NAV2: variants seen among roughly 807,000 people sequenced by gnomAD.
NAV2 encodes helicase, APC down-regulated 1.
Under a neutral mutation model 223.2 loss-of-function variants are expected in NAV2, and 54 were observed. That is an observed-to-expected ratio of 0.24 (90% CI 0.19 to 0.30). NAV2 has a LOEUF of 0.30. Among genes scored for constraint, NAV2 ranks in the 10% least tolerant of loss-of-function variants. The pLI, the probability that NAV2 is intolerant of heterozygous loss-of-function variation, is 1.00. For synonymous variants in NAV2, 1,279 were observed against 1,239.3 expected, an observed-to-expected ratio of 1.03 and a Z score of -0.67; for missense variants, 2,806 against 3,147.5, an observed-to-expected ratio of 0.89 and a Z score of 2.60.
Position 19,879,999 on chromosome 11 carries a change from C to G in NAV2, c.642C>G (p.Ala214=). ...SPLPPAVSQV[A]GAPSQCQAGT... ...TGCCGCCCGCCGTATCCCAGGTGGCCGGGGCCCCCTCCCAGTGCCAGGCTG... is the reference window on the plus strand; with the variant it reads ...TGCCGCCCGCCGTATCCCAGGTGGCGGGGGCCCCCTCCCAGTGCCAGGCTG... Residue 214 remains alanine (A), a synonymous_variant, in exon 5 of 38, where the codon GCC becomes GCG. Transcript: ENST00000349880. 6.2e-7 allele frequency: 1 copy of G among 1,613,788 alleles called. No homozygotes were observed. The highest frequency in any genetic ancestry group is 8.5e-7 in the Non-Finnish European group (1 of 1,179,876).
At chr11:19,502,989 C>T (rs908410434) in intron 1 of NAV2, 1 of 152,218 alleles carries the variant, frequency 6.6e-6, no homozygotes, top group African/African-American at 2.4e-5. Context: ...GACTTCGCCT[C>T]TGGATTGGAA....
chr11:19,481,461 T>C (rs2042278146), intron 1 of NAV2, among the ~76,000 whole-genome samples: 1 of 152,194 alleles, frequency 6.6e-6, no homozygotes, highest in Non-Finnish European at 1.5e-5. Flanking sequence ...AAGCAGTGGT[T>C]AAGAGATGAC....
chr11:19,832,620 T>A lies in NAV2; in HGVS notation c.385+19T>A. 1 of 1,596,138 alleles carries A rather than the reference T, an allele frequency of 6.3e-7. No homozygotes were observed. On this transcript the variant is annotated intron_variant, in intron 2 of 37. Transcript: ENST00000349880. ...GTTGTGGGTAAGAGCAGATTTTACC[T>A]TGGGGGTAATGAGTTACAGTGGAGC...
At chr11:20,000,855 C>T (rs960198664) in intron 11 of NAV2, among the ~76,000 whole-genome samples, 24 of 152,194 alleles carry the variant, frequency 1.6e-4, no homozygotes, top group Admixed American at 8.5e-4. Context: ...TTGTGTGCTG[C>T]GGTTCCTGGC....
chr11:19,600,018 A>G (rs979716400), intron 1 of NAV2, among the ~76,000 whole-genome samples: 1 of 152,186 alleles, frequency 6.6e-6, no homozygotes, highest in African/African-American at 2.4e-5. Context: ...TTGGGAAGTG[A>G]TTCCAGGAAG....
At chr11:20,039,055 T>A (rs938325177) in intron 12 of NAV2, among the ~76,000 whole-genome samples, 2 of 152,166 alleles carry the variant, frequency 1.3e-5, no homozygotes, top group Admixed American at 1.3e-4. Context: ...CTGTGCCCAC[T>A]GTTTCCTCAG....
At chr11:19,453,762 T>C (rs1336944217) in intron 1 of NAV2, among the ~76,000 whole-genome samples, 2 of 152,208 alleles carry the variant, frequency 1.3e-5, no homozygotes, top group Non-Finnish European at 2.9e-5. Flanking sequence ...AACCCTTCGC[T>C]GATAAATCCT....
intron 1 of NAV2, among the ~76,000 whole-genome samples, chr11:19,637,690 TCACA>T (rs1282495321): frequency 1.3e-5 from 2 of 152,198 alleles, no homozygotes; most frequent in Non-Finnish European, 2.9e-5. Flanking sequence ...GTGGAGGATG[TCACA>T]CACTTAAACG....
chr11:19,695,402 G>T (rs1349427097), intron 1 of NAV2, among the ~76,000 whole-genome samples: 1 of 115,832 alleles, frequency 8.6e-6, no homozygotes, highest in African/African-American at 2.5e-5. Context: ...AGGAATATTT[G>T]CTCCCAGCCT....
Position 20,045,283 on chromosome 11 carries a change from C to A in NAV2, c.3515C>A (p.Ala1172Asp). The A allele has an allele frequency of 3.1e-6, 5 of 1,614,204 alleles. No individual in the cohort carries two copies. The highest frequency in any genetic ancestry group is 4.2e-6 in the Non-Finnish European group (5 of 1,180,030). ...GGTCGGAAGTCAAGTATGGATGGGG[C>A]TCAGAATCAGGATGACGGGTATCTA... ...SAGRKSSMDG[A>D]QNQDDGYLAL... is the part of the protein sequence containing the mutation. Residue 1172 changes from alanine (A) to aspartate (D), a missense_variant, in exon 14 of 38, where the codon GCT becomes GAT. Physicochemically the swap from Ala to Asp is moderately radical, Grantham distance 126. Around this residue, in one of 4 missense-constraint regions of NAV2, gnomAD observed 742 missense variants for 777.9 expected, o/e 0.95. Transcript: ENST00000349880.
chr11:19,584,945 T>G (rs1349116413), intron 1 of NAV2, among the ~76,000 whole-genome samples: 1 of 151,360 alleles, frequency 6.6e-6, no homozygotes, highest in East Asian at 1.9e-4. Flanking sequence ...TTTAACTTTC[T>G]GTCTCATCGA....
intron 22 of NAV2, among the ~76,000 whole-genome samples, chr11:20,077,196 G>T (rs764170479): frequency 2.6e-5 from 4 of 152,114 alleles, no homozygotes; most frequent in Admixed American, 1.3e-4. Flanking sequence ...AGTACAGTTT[G>T]CTTGTGAGAG....
chr11:20,092,309 C>G lies in NAV2; in HGVS notation c.5756C>G (p.Pro1919Arg). The change falls in exon 28 of 38, where the codon CCG becomes CGG. Residue 1919 changes from proline (P) to arginine (R), a missense_variant. Pro to Arg is a moderately radical substitution (Grantham distance 103). This residue lies in a region of NAV2 where 824 missense variants were observed against 1,069.4 expected (regional missense o/e 0.77). Coordinates refer to ENST00000349880, the MANE Select transcript of NAV2 (RefSeq NM_145117.5). Reference sequence around the variant, plus strand: ...TCCCAAGTGTCCATCTCTGCCTCCCCGAGGCAGTCCATGGGCCTCTCCCAG... The same window carrying G: ...TCCCAAGTGTCCATCTCTGCCTCCCGGAGGCAGTCCATGGGCCTCTCCCAG... The part of the protein sequence containing the change: ...APSQVSISAS[P>R]RQSMGLSQHS... 2 of 1,614,014 alleles carry G rather than the reference C, an allele frequency of 1.2e-6. No homozygotes were observed. The highest frequency in any genetic ancestry group is 1.7e-6 in the Non-Finnish European group (2 of 1,179,914).
At chr11:19,662,760 C>T (rs1410217165) in intron 1 of NAV2, among the ~76,000 whole-genome samples, 2 of 152,210 alleles carry the variant, frequency 1.3e-5, no homozygotes, top group African/African-American at 2.4e-5. Context: ...CCTGTCTCAC[C>T]CATGCCTGAG....
At chr11:19,969,747 T>A (rs1826677267) in intron 10 of NAV2, among the ~76,000 whole-genome samples, 1 of 151,938 alleles carries the variant, frequency 6.6e-6, no homozygotes, top group Non-Finnish European at 1.5e-5. Context: ...TCGAGACCAT[T>A]GTGGTTAACA....
chr11:19,597,266 A>C (rs2046229100), intron 1 of NAV2, among the ~76,000 whole-genome samples: 1 of 152,230 alleles, frequency 6.6e-6, no homozygotes, highest in Non-Finnish European at 1.5e-5. Flanking sequence ...AGTGCTCAAT[A>C]AATCTATTTA....
At chr11:20,117,204 TA>T (rs1222013598) in intron 37 of NAV2, among the ~76,000 whole-genome samples, 4 of 149,660 alleles carry the variant, frequency 2.7e-5, no homozygotes, top group Admixed American at 1.3e-4. Flanking sequence ...CAGTTATAAA[TA>T]AAAGTAGTTT....
chr11:19,751,714 T>C (rs897073303), intron 1 of NAV2, among the ~76,000 whole-genome samples: 7 of 152,230 alleles, frequency 4.6e-5, no homozygotes, highest in African/African-American at 1.7e-4. Context: ...TCACTACCTG[T>C]TTTCAAAGCA....
chr11:19,764,893 C>T (rs1428035375), intron 1 of NAV2, among the ~76,000 whole-genome samples: 1 of 152,164 alleles, frequency 6.6e-6, no homozygotes, highest in Non-Finnish European at 1.5e-5. Context: ...ACCTAAGAGT[C>T]ATCCTTCACT....
Sources: gnomAD v4.1 joint callset for allele counts (sites outside exome capture counted in the v4.1 genomes callset) on GRCh38, gnomAD v4.1.1 for gene constraint, gnomAD v4.1.1 regional missense constraint, MANE v1.5 for transcripts, NCBI Gene and HGNC (gene_info 2026-07-23, HGNC 2026-07-21) for gene names.